The following IQCM variants were observed in gnomAD, a reference collection of about 807,000 sequenced individuals.
IQCM encodes IQ domain-containing protein M.
A neutral mutation model predicts 57.6 loss-of-function variants in IQCM; 45 were observed. The ratio of observed to expected loss-of-function variants is 0.78; its 90% CI spans 0.62 to 1.00. The LOEUF is 1.00. Among genes scored for constraint, IQCM ranks in the 50% least tolerant of loss-of-function variants. The pLI is 0.00. For synonymous variants in IQCM, 148 were observed against 158.9 expected (o/e 0.93, Z 0.51); for missense variants, 468 against 511.6 (o/e 0.91, Z 0.82).
intron 2 of IQCM, among the ~76,000 whole-genome samples, chr4:149,759,976 A>G (rs1381304524): frequency 6.6e-6 from 1 of 151,928 alleles, no homozygotes; most frequent in Non-Finnish European, 1.5e-5. Flanking sequence ...CTTTGTAAAT[A>G]TTAACAAAAT....
chr4:149,590,549 C>G (rs1753056645), intron 8 of IQCM, among the ~76,000 whole-genome samples: 2 of 151,698 alleles, frequency 1.3e-5, no homozygotes, highest in Admixed American at 1.3e-4. Flanking sequence ...TTTGCTGCAC[C>G]CATCAATCCA....
intron 5 of IQCM, among the ~76,000 whole-genome samples, chr4:149,695,814 TA>T (rs1385809487): frequency 6.6e-6 from 1 of 152,084 alleles, no homozygotes; most frequent in Non-Finnish European, 1.5e-5. Flanking sequence ...TGGCTATTAA[TA>T]AGTTTCCAGT....
At chr4:149,419,606 C>G (rs2111210522) in intron 13 of IQCM, among the ~76,000 whole-genome samples, 1 of 152,074 alleles carries the variant, frequency 6.6e-6, no homozygotes, top group African/African-American at 2.4e-5. Context: ...ATGAAATCAC[C>G]AAAAGCAATT....
intron 3 of IQCM, among the ~76,000 whole-genome samples, chr4:149,739,745 T>TA (rs1439101288): frequency 6.6e-6 from 1 of 152,086 alleles, no homozygotes; most frequent in Non-Finnish European, 1.5e-5. Context: ...TGAGTGCAAA[T>TA]ACTAACATTC....
chr4:149,437,940 C>T (rs534180681), intron 12 of IQCM, among the ~76,000 whole-genome samples: 4 of 151,996 alleles, frequency 2.6e-5, no homozygotes, highest in African/African-American at 7.2e-5. Context: ...TTCTTTCTAA[C>T]GTACCCGCCC....
At chr4:149,476,818 GA>G (rs1011945789) in intron 12 of IQCM, among the ~76,000 whole-genome samples, 11 of 151,624 alleles carry the variant, frequency 7.3e-5, no homozygotes, top group African/African-American at 1.7e-4. Context: ...CCATTCATCA[GA>G]AAAAAAACCT....
At chr4:149,392,824 T>C (rs1028659113) in intron 13 of IQCM, among the ~76,000 whole-genome samples, 1 of 151,976 alleles carries the variant, frequency 6.6e-6, no homozygotes, top group Admixed American at 6.6e-5. Flanking sequence ...TTTAAATATA[T>C]ATGAGACATA....
intron 8 of IQCM, among the ~76,000 whole-genome samples, chr4:149,594,840 T>C (rs1356151929): frequency 2.6e-5 from 4 of 152,170 alleles, no homozygotes; most frequent in Non-Finnish European, 4.4e-5. Context: ...GTAATTTCTG[T>C]TCTTTTACAT....
In IQCM at chr4:149,718,605, A is replaced by G. The variant is rs562413528; in HGVS notation, c.385+14639T>C. Among the ~76,000 whole-genome samples the G allele has an allele frequency of 3.9e-5, 6 of 152,354 alleles. No homozygotes were observed. The South Asian group carries it at 1.2e-3, about 32-fold the overall frequency. On this transcript the variant is annotated intron_variant, in intron 5 of 13. Transcript: ENST00000636793. ...TATGCCCATTAAAACAAATTACCAG[A>G]AGCTTGTGACTTAAAACGACGATTT... is the stretch of plus-strand genomic sequence containing the variant.
intron 12 of IQCM, among the ~76,000 whole-genome samples, chr4:149,496,793 C>T (rs1391774583): frequency 6.6e-6 from 1 of 152,142 alleles, no homozygotes; most frequent in Non-Finnish European, 1.5e-5. Flanking sequence ...CACTAATTTG[C>T]TCATTTTATT....
At chr4:149,380,393 A>C (rs1348689331) in intron 13 of IQCM, among the ~76,000 whole-genome samples, 1 of 152,170 alleles carries the variant, frequency 6.6e-6, no homozygotes, top group Non-Finnish European at 1.5e-5. Flanking sequence ...ATTATTCCAG[A>C]TGTAATTACA....
intron 12 of IQCM, among the ~76,000 whole-genome samples, chr4:149,452,623 C>T (rs1560857183): frequency 6.6e-6 from 1 of 151,426 alleles, no homozygotes; most frequent in Non-Finnish European, 1.5e-5. Context: ...AAAAGCTGTA[C>T]AAAATTAGTG....
Position 149,615,700 on chromosome 4 carries a change from T to C in IQCM, c.681+5429A>G, listed in dbSNP as rs141275232. ...AGAATGCATATCTACAATGACTTTATTTTAGCAAATTAAAATTTTGATAAG... is the reference window on the plus strand; with the variant it reads ...AGAATGCATATCTACAATGACTTTACTTTAGCAAATTAAAATTTTGATAAG... On this transcript the variant is annotated intron_variant, in intron 8 of 13. Coordinates refer to ENST00000636793, the MANE Select transcript of IQCM (RefSeq NM_001363507.2). Among the ~76,000 whole-genome samples the C allele has an allele frequency of 1.5e-3, 228 of 152,338 alleles. 6 individuals are homozygous for C. In the East Asian group the frequency reaches 0.037, roughly 25 times the overall value.
intron 8 of IQCM, among the ~76,000 whole-genome samples, chr4:149,608,469 C>G (rs994436982): frequency 2.8e-4 from 42 of 151,934 alleles, no homozygotes; most frequent in African/African-American, 8.7e-4. Flanking sequence ...ACACATTCTT[C>G]TCCTCAACAC....
intron 8 of IQCM, among the ~76,000 whole-genome samples, chr4:149,597,312 TA>T (rs1753868171): frequency 6.6e-6 from 1 of 151,746 alleles, no homozygotes; most frequent in South Asian, 2.1e-4. Context: ...GGAAAAAGAG[TA>T]AGGACAATGA....
At chr4:149,660,471 C>T (rs1760081438) in intron 7 of IQCM, among the ~76,000 whole-genome samples, 1 of 152,084 alleles carries the variant, frequency 6.6e-6, no homozygotes, top group African/African-American at 2.4e-5. Flanking sequence ...ACCCAGCCAT[C>T]CCATTACTGG....
intron 12 of IQCM, among the ~76,000 whole-genome samples, chr4:149,435,800 A>T (rs1337754693): frequency 2.6e-5 from 4 of 152,048 alleles, no homozygotes; most frequent in African/African-American, 7.2e-5. Flanking sequence ...CTAAAAAAAA[A>T]CAAAAAATAT....
At chr4:149,787,688 G>C (rs80180574) in intron 2 of IQCM, among the ~76,000 whole-genome samples, 1 of 151,948 alleles carries the variant, frequency 6.6e-6, no homozygotes, top group Non-Finnish European at 1.5e-5. Flanking sequence ...AAAATCAACC[G>C]AAGCTAGATT....
intron 13 of IQCM, among the ~76,000 whole-genome samples, chr4:149,431,315 C>G (rs907142231): frequency 3.3e-5 from 5 of 151,980 alleles, no homozygotes; most frequent in Admixed American, 1.3e-4. Context: ...TGCTGCTCAT[C>G]CCTGCTGACA....
Sources: gnomAD v4.1 joint callset for allele counts (sites outside exome capture counted in the v4.1 genomes callset) on GRCh38, gnomAD v4.1.1 for gene constraint, MANE v1.5 for transcripts, NCBI Gene and HGNC (gene_info 2026-07-23, HGNC 2026-07-21) for gene names.